MPPED2: variants seen among roughly 807,000 people sequenced by gnomAD.
The protein encoded by MPPED2 is metallophosphoesterase MPPED2.
MPPED2 carries 5 observed loss-of-function variants against 33.0 expected under a neutral mutation model. The observed-to-expected ratio is 0.15, with a 90% CI of 0.08 to 0.32. The LOEUF (loss-of-function observed/expected upper bound fraction) is 0.32. Ranked by LOEUF, MPPED2 falls within the 10% of genes least tolerant of loss-of-function variation. MPPED2 has a pLI of 1.00. For synonymous variants in MPPED2, 136 were observed against 141.9 expected (o/e 0.96, Z 0.29); for missense variants, 275 against 372.1 (o/e 0.74, Z 2.15).
intron 2 of MPPED2, among the ~76,000 whole-genome samples, chr11:30,552,525 A>C (rs907361282): frequency 6.6e-6 from 1 of 152,202 alleles, no homozygotes; most frequent in Non-Finnish European, 1.5e-5. Flanking sequence ...GCATTTTAAA[A>C]ATATAATTGG....
chr11:30,431,253 G>A (rs1010005439), intron 4 of MPPED2, among the ~76,000 whole-genome samples: 2 of 152,168 alleles, frequency 1.3e-5, no homozygotes, highest in African/African-American at 2.4e-5. Flanking sequence ...GGCACACAGC[G>A]TGTGTGTATT....
At chr11:30,403,940 C>T (rs1199371029) in intron 6 of MPPED2, among the ~76,000 whole-genome samples, 1 of 152,192 alleles carries the variant, frequency 6.6e-6, no homozygotes, top group Non-Finnish European at 1.5e-5. Flanking sequence ...TACCCTTTCT[C>T]TTCCTGTTAT....
In MPPED2 at chr11:30,580,951, T is replaced by C. The variant is rs1188398361; in HGVS notation, c.-121-457A>G. On this transcript the variant is annotated intron_variant, in intron 1 of 6. Transcript: ENST00000358117. ...TATATAACACAATGACAGATAAGAATTTAAAATGTTGTGCTTATAACAAAT... is the reference window on the plus strand; with the variant it reads ...TATATAACACAATGACAGATAAGAACTTAAAATGTTGTGCTTATAACAAAT... Among the ~76,000 whole-genome samples, 6 of 152,320 alleles carry C rather than the reference T, an allele frequency of 3.9e-5. No individual in the cohort carries two copies. In the East Asian group the frequency reaches 1.2e-3, roughly 29 times the overall value.
intron 4 of MPPED2, among the ~76,000 whole-genome samples, chr11:30,432,837 G>A (rs1472369839): frequency 6.6e-6 from 1 of 152,222 alleles, no homozygotes; most frequent in Non-Finnish European, 1.5e-5. Context: ...TTTCTAGGTT[G>A]CCTGGTTGGA....
chr11:30,543,544 T>C (rs1362889674), intron 2 of MPPED2, among the ~76,000 whole-genome samples: 1 of 152,232 alleles, frequency 6.6e-6, no homozygotes, highest in Non-Finnish European at 1.5e-5. Context: ...TGTTTTTCTC[T>C]TTGCAATTTT....
intron 3 of MPPED2, among the ~76,000 whole-genome samples, chr11:30,522,931 T>G (rs1012161714): frequency 6.6e-6 from 1 of 152,212 alleles, no homozygotes; most frequent in Non-Finnish European, 1.5e-5. Context: ...TGAAAACAAT[T>G]ATAAATTTAA....
chr11:30,407,376 C>A (rs1415390712), downstream of MPPED2, among the ~76,000 whole-genome samples: 1 of 152,222 alleles, frequency 6.6e-6, no homozygotes, highest in African/African-American at 2.4e-5. Context: ...AAACCCCCTC[C>A]TCTTTGGAGA....
At chr11:30,552,979 A>G (rs554351125) in intron 2 of MPPED2, among the ~76,000 whole-genome samples, 1 of 152,300 alleles carries the variant, frequency 6.6e-6, no homozygotes, top group South Asian at 2.1e-4. Flanking sequence ...CAACAATTAC[A>G]GCAACTCCTC....
chr11:30,580,987 T>C (rs1245409177), intron 1 of MPPED2, among the ~76,000 whole-genome samples: 1 of 152,244 alleles, frequency 6.6e-6, no homozygotes, highest in Non-Finnish European at 1.5e-5. Context: ...ACATGTGTAT[T>C]ACTATAACAT....
intron 4 of MPPED2, among the ~76,000 whole-genome samples, chr11:30,488,859 A>AACACACAC (rs10643971): frequency 6.6e-6 from 1 of 150,834 alleles, no homozygotes; most frequent in African/African-American, 2.4e-5. Context: ...ATATTTGTTT[A>AACACACAC]ACACACACAC....
At chr11:30,477,758 G>T (rs1392861663) in intron 4 of MPPED2, among the ~76,000 whole-genome samples, 1 of 151,924 alleles carries the variant, frequency 6.6e-6, no homozygotes, top group Non-Finnish European at 1.5e-5. Context: ...TCAAATTTCG[G>T]AAAGATTTTC....
At chr11:30,435,337 A>C (rs1389936297) in intron 4 of MPPED2, among the ~76,000 whole-genome samples, 2 of 152,180 alleles carry the variant, frequency 1.3e-5, no homozygotes, top group Non-Finnish European at 2.9e-5. Flanking sequence ...AAAGCCTTTT[A>C]ACAAGCACAC....
chr11:30,474,933 T>C (rs371845057), intron 4 of MPPED2, among the ~76,000 whole-genome samples: 22 of 152,250 alleles, frequency 1.4e-4, no homozygotes, highest in African/African-American at 5.3e-4. Flanking sequence ...AACAAAAAAC[T>C]GCATAACTTG....
At chr11:30,402,028 C>T (rs1340670452) in intron 6 of MPPED2, among the ~76,000 whole-genome samples, 2 of 151,882 alleles carry the variant, frequency 1.3e-5, no homozygotes, top group Admixed American at 6.6e-5. Flanking sequence ...CTAACGTATA[C>T]CTCCTTTCAG....
intron 4 of MPPED2, among the ~76,000 whole-genome samples, chr11:30,470,612 C>A (rs890008181): frequency 6.6e-6 from 1 of 152,076 alleles, no homozygotes; most frequent in African/African-American, 2.4e-5. Context: ...TGAATTATAT[C>A]TCTACAAAAC....
In MPPED2 at chr11:30,495,038, A is replaced by G. The variant is rs530577957; in HGVS notation, c.536+258T>C. On this transcript the variant is annotated intron_variant, in intron 4 of 6. Coordinates refer to ENST00000358117, the MANE Select transcript of MPPED2 (RefSeq NM_001584.3). ...GTGGGAGGTCCTGGACCAATACCCC[A>G]TGGACACTGAGGGAGGCATGACTGT... 262 of 455,638 alleles carry G rather than the reference A, an allele frequency of 5.8e-4. No homozygotes were observed. In the East Asian group the frequency reaches 9.7e-3, roughly 17 times the overall value. 28.2% of individuals were successfully genotyped at this position (455,638 alleles called of 1,614,324 possible).
At chr11:30,557,302 T>G (rs1350855009) in intron 2 of MPPED2, among the ~76,000 whole-genome samples, 1 of 150,678 alleles carries the variant, frequency 6.6e-6, no homozygotes, top group African/African-American at 2.5e-5. Context: ...AGAATATTTC[T>G]ATCTTAACTG....
chr11:30,558,256 A>G (rs2134691332), intron 2 of MPPED2, among the ~76,000 whole-genome samples: 1 of 152,312 alleles, frequency 6.6e-6, no homozygotes. Context: ...TTCAAACCCA[A>G]TAGTCGTTCT....
intron 4 of MPPED2, among the ~76,000 whole-genome samples, chr11:30,471,102 T>A (rs2134059878): frequency 6.6e-6 from 1 of 152,322 alleles, no homozygotes; most frequent in South Asian, 2.1e-4. Context: ...TAATCTTAAC[T>A]TCTCCCTTGC....
Sources: gnomAD v4.1 joint callset for allele counts (sites outside exome capture counted in the v4.1 genomes callset) on GRCh38, gnomAD v4.1.1 for gene constraint, MANE v1.5 for transcripts, NCBI Gene and HGNC (gene_info 2026-07-23, HGNC 2026-07-21) for gene names.